MAP7: variants seen among roughly 807,000 people sequenced by gnomAD.
MAP7 encodes the protein microtubule associated protein 7.
In MAP7, 52 loss-of-function variants were observed where a neutral mutation model predicts 94.8. The observed-to-expected ratio is 0.55, with a 90% confidence interval of 0.44 to 0.69. The LOEUF (loss-of-function observed/expected upper bound fraction) is 0.69. Among genes scored for constraint, MAP7 ranks in the 30% least tolerant of loss-of-function variants. The probability of loss-of-function intolerance (pLI) is 0.00; values close to 1 mark genes in which losing one functional copy is unlikely to be tolerated. For synonymous variants in MAP7, 350 were observed against 357.0 expected (o/e 0.98, Z 0.22); for missense variants, 940 against 964.6 (o/e 0.97, Z 0.34).
chr6:136,344,312 T>A, intron 17 of MAP7, 74 bp from the exon 18 acceptor site: 1 of 653,014 alleles, frequency 1.5e-6, no homozygotes, highest in Non-Finnish European at 2.3e-6. Context: ...AATACCATAG[T>A]AATACCTTAA....
intron 1 of MAP7, among the ~76,000 whole-genome samples, chr6:136,456,840 A>AGAG (rs1554259564): frequency 4.0e-5 from 5 of 123,858 alleles, no homozygotes; most frequent in Admixed American, 1.7e-4. Flanking sequence ...AAGAAGAAGA[A>AGAG]GAAGAAGAGG....
intron 3 of MAP7, among the ~76,000 whole-genome samples, chr6:136,399,473 A>G (rs1026979212): frequency 6.6e-6 from 1 of 151,706 alleles, no homozygotes; most frequent in African/African-American, 2.4e-5. Context: ...GCTCCTGAGT[A>G]GCTGAGACTA....
intron 3 of MAP7, among the ~76,000 whole-genome samples, chr6:136,400,653 T>C (rs951228007): frequency 6.6e-6 from 1 of 151,828 alleles, no homozygotes; most frequent in East Asian, 1.9e-4. Context: ...CCAGAAAAAA[T>C]AGAACTGAAG....
intron 1 of MAP7, among the ~76,000 whole-genome samples, chr6:136,508,265 G>T (rs1249957760): frequency 6.6e-6 from 1 of 151,968 alleles, no homozygotes; most frequent in Non-Finnish European, 1.5e-5. Context: ...AGTGGAGGCT[G>T]CAGTAAGCCA....
intron 3 of MAP7, among the ~76,000 whole-genome samples, chr6:136,400,187 C>T (rs556642971): frequency 2.6e-5 from 4 of 151,954 alleles, no homozygotes; most frequent in East Asian, 1.9e-4. Flanking sequence ...GAGGCTGAGG[C>T]GGGCAGATCA....
At chr6:136,468,655 T>C (rs1423785885) in intron 1 of MAP7, among the ~76,000 whole-genome samples, 1 of 152,234 alleles carries the variant, frequency 6.6e-6, no homozygotes, top group Admixed American at 6.5e-5. Flanking sequence ...GAATATCTCA[T>C]GTAATTTATT....
chr6:136,519,073 CAT>C (rs1825679928), intron 1 of MAP7, among the ~76,000 whole-genome samples: 1 of 152,182 alleles, frequency 6.6e-6, no homozygotes, highest in East Asian at 1.9e-4. Flanking sequence ...TTATATAACA[CAT>C]AATGCCTGGG....
chr6:136,505,277 GTA>G (rs56764706), intron 1 of MAP7, among the ~76,000 whole-genome samples: 1,723 of 53,650 alleles, frequency 0.032, 53 homozygotes, highest in African/African-American at 0.11. Flanking sequence ...GTGTGTGTGT[GTA>G]TATATATATA....
intron 8 of MAP7, among the ~76,000 whole-genome samples, chr6:136,366,923 A>AT (rs1231790737): frequency 3.9e-5 from 6 of 152,038 alleles, no homozygotes; most frequent in Admixed American, 1.3e-4. Context: ...ACATAAACTC[A>AT]TTTTTTTCTT....
At chr6:136,468,139 T>C (rs1230393793) in intron 1 of MAP7, among the ~76,000 whole-genome samples, 1 of 152,122 alleles carries the variant, frequency 6.6e-6, no homozygotes, top group African/African-American at 2.4e-5. Flanking sequence ...AAGTAGCCTA[T>C]ATAGACATGG....
chr6:136,415,588 C>G (rs114069906), intron 2 of MAP7, among the ~76,000 whole-genome samples: 51 of 152,234 alleles, frequency 3.4e-4, no homozygotes, highest in African/African-American at 1.2e-3. Context: ...TAATGCTTCC[C>G]CCTGTGAAGT....
At chr6:136,421,353 A>C (rs2128770476) in intron 2 of MAP7, among the ~76,000 whole-genome samples, 1 of 152,394 alleles carries the variant, frequency 6.6e-6, no homozygotes, top group South Asian at 2.1e-4. Flanking sequence ...CATTTGAAAC[A>C]GAATAGTAAA....
In MAP7 at chr6:136,402,905, CAA is replaced by C. The variant is rs57114676; in HGVS notation, c.244+8713_244+8714del. 1.9e-3 allele frequency among the ~76,000 whole-genome samples: 126 copies of C among 67,382 alleles called. 3 individuals are homozygous for C. Among genetic ancestry groups the C allele is most frequent in the African/African-American group, 7.2e-3 (116 of 16,062 alleles). The allele number at this position is 67,382 out of a possible 152,430, so 44.2% of individuals were successfully genotyped here. ...TGGGCGAAAGAGCAAGACTCTGTCT[CAA>C]AAAAAAAAAAAAAAAAAAAAAAAAA... On this transcript the variant is annotated intron_variant, in intron 3 of 17. Transcript: ENST00000354570.
At chr6:136,538,798 C>CAAAAAAAAAAA (rs397836178) in intron 1 of MAP7, among the ~76,000 whole-genome samples, 1 of 65,902 alleles carries the variant, frequency 1.5e-5, no homozygotes. Context: ...GATTTTGTCT[C>CAAAAAAAAAAA]AAAAAAAAAA....
At chr6:136,362,119 T>C (rs1792980277) in intron 11 of MAP7, among the ~76,000 whole-genome samples, 1 of 152,130 alleles carries the variant, frequency 6.6e-6, no homozygotes, top group African/African-American at 2.4e-5. Context: ...TGTTGCACTG[T>C]CATTAAAATA....
intron 16 of MAP7, 134 bp downstream of exon 16, chr6:136,356,558 A>G: frequency 1.5e-6 from 1 of 657,286 alleles, no homozygotes; most frequent in South Asian, 1.9e-5. Context: ...GGAGTACAGA[A>G]TTACTAGCTC....
intron 1 of MAP7, among the ~76,000 whole-genome samples, chr6:136,453,817 T>C (rs1801913495): frequency 6.6e-6 from 1 of 152,206 alleles, no homozygotes; most frequent in South Asian, 2.1e-4. Context: ...AAAAAGCAAC[T>C]GAGTGCTTGC....
rs146577621 is a variant in MAP7 at position 136,409,462 on chromosome 6, T to C, written c.244+2158A>G. Among the ~76,000 whole-genome samples the C allele has an allele frequency of 1.0e-3, 154 of 152,352 alleles. 1 individual carries two copies. The highest frequency in any genetic ancestry group is 3.6e-3 in the African/African-American group (148 of 41,586). On this transcript the variant is annotated intron_variant, in intron 3 of 17. Transcript: ENST00000354570. ...GCTCACCAAAAAAGTTAAGCTGTAA[T>C]AATAGAATAATACAATCATCTAGAT...
intron 5 of MAP7, 118 bp from the exon 6 acceptor site, chr6:136,383,899 CATA>C: frequency 1.6e-6 from 1 of 629,736 alleles, no homozygotes; most frequent in East Asian, 3.2e-5. Flanking sequence ...CTAGATCTGT[CATA>C]ATAACACAGT....
Sources: gnomAD v4.1 joint callset for allele counts (sites outside exome capture counted in the v4.1 genomes callset) on GRCh38, gnomAD v4.1.1 for gene constraint, MANE v1.5 for transcripts, NCBI Gene and HGNC (gene_info 2026-07-23, HGNC 2026-07-21) for gene names.